The following CCDC12 variants were observed in gnomAD, a reference collection of about 807,000 sequenced individuals.
The protein encoded by CCDC12 is coiled-coil domain-containing protein 12.
Under a neutral mutation model 25.7 loss-of-function variants are expected in CCDC12, and 28 were observed. That is an observed-to-expected ratio of 1.09 (90% CI 0.81 to 1.50). The LOEUF is 1.50. CCDC12 is among the 40% of genes most tolerant of loss of function. CCDC12 has a pLI of 0.00. For missense variants in CCDC12, 198 were observed against 210.0 expected, an observed-to-expected ratio of 0.94 and a Z score of 0.35; for synonymous variants, 75 against 87.7, an observed-to-expected ratio of 0.86 and a Z score of 0.81.
chr3:46,948,651 A>G (rs2033997900), intron 1 of CCDC12, among the ~76,000 whole-genome samples: 1 of 152,264 alleles, frequency 6.6e-6, no homozygotes, highest in Admixed American at 6.5e-5. Flanking sequence ...AGGTGCCCTC[A>G]GCGGTGGAAA....
chr3:46,978,737 ACT>A (rs1236178392), upstream of CCDC12, among the ~76,000 whole-genome samples: 33 of 152,136 alleles, frequency 2.2e-4, no homozygotes, highest in African/African-American at 7.7e-4. Flanking sequence ...TAATCCCAGC[ACT>A]TTGGGAGGTC....
At chr3:46,961,393 G>A (rs1210851227) in intron 1 of CCDC12, among the ~76,000 whole-genome samples, 4 of 152,186 alleles carry the variant, frequency 2.6e-5, no homozygotes, top group Non-Finnish European at 5.9e-5. Flanking sequence ...TGACCCTGAA[G>A]CAACTATCGG....
chr3:46,922,571 G>T, intron 5 of CCDC12: 1 of 553,038 alleles, frequency 1.8e-6, no homozygotes, highest in Non-Finnish European at 3.3e-6. Context: ...GGCAAAGGTG[G>T]ATGGTTTCTC....
intron 1 of CCDC12, among the ~76,000 whole-genome samples, chr3:46,975,512 G>A (rs991631276): frequency 2.1e-5 from 3 of 143,528 alleles, no homozygotes; most frequent in African/African-American, 5.1e-5. Context: ...CCCTTAGTTA[G>A]AAATAAATCT....
At chr3:46,975,113 T>C (rs761511973) in intron 1 of CCDC12, among the ~76,000 whole-genome samples, 16 of 152,142 alleles carry the variant, frequency 1.1e-4, no homozygotes. Context: ...CAAAGAAAAA[T>C]GCTTCCGAAT....
At chr3:46,923,286 T>C in intron 5 of CCDC12, 43 bp downstream of exon 5, 2 of 1,442,064 alleles carry the variant, frequency 1.4e-6, no homozygotes, top group South Asian at 1.6e-5. Context: ...GCACCAAGAG[T>C]CCCCGAGTCA....
At chr3:46,977,594 C>T (rs2035034626), upstream of CCDC12, among the ~76,000 whole-genome samples, 1 of 152,186 alleles carries the variant, frequency 6.6e-6, no homozygotes. Context: ...GACAAGCGCC[C>T]CTAAGCCCCT....
chr3:46,945,075 C>T (rs544512807), intron 1 of CCDC12, among the ~76,000 whole-genome samples: 2 of 152,242 alleles, frequency 1.3e-5, no homozygotes, highest in African/African-American at 2.4e-5. Context: ...CTGGGCCTAC[C>T]CAGTGCATAT....
chr3:46,943,583 G>A (rs2033797665), intron 1 of CCDC12, among the ~76,000 whole-genome samples: 1 of 152,262 alleles, frequency 6.6e-6, no homozygotes, highest in Admixed American at 6.5e-5. Context: ...CAGCCTTTGG[G>A]AGGAGTGCTT....
chr3:46,946,337 A>C (rs1362249810), intron 1 of CCDC12, among the ~76,000 whole-genome samples: 3 of 152,264 alleles, frequency 2.0e-5, no homozygotes, highest in African/African-American at 7.2e-5. Flanking sequence ...GGAAAGCTTT[A>C]CTAAATATCT....
chr3:46,972,293 A>AC (rs1187202361), intron 1 of CCDC12, among the ~76,000 whole-genome samples: 1 of 152,140 alleles, frequency 6.6e-6, no homozygotes, highest in East Asian at 1.9e-4. Flanking sequence ...ACACAGTGAG[A>AC]CCCCCATCTC....
At chr3:46,933,778 T>G (rs1221024873) in intron 2 of CCDC12, among the ~76,000 whole-genome samples, 1 of 152,192 alleles carries the variant, frequency 6.6e-6, no homozygotes, top group Non-Finnish European at 1.5e-5. Context: ...CATAATTTCA[T>G]GAAAGTGTAT....
intron 1 of CCDC12, among the ~76,000 whole-genome samples, chr3:46,953,771 T>C (rs1202505191): frequency 6.6e-6 from 1 of 152,140 alleles, no homozygotes; most frequent in Non-Finnish European, 1.5e-5. Context: ...CAGCCAATTG[T>C]AGACTAAGCC....
upstream of CCDC12, among the ~76,000 whole-genome samples, chr3:46,980,290 G>T (rs59321380): frequency 0.075 from 11,409 of 152,268 alleles, 1,424 homozygotes; most frequent in African/African-American, 0.26. Flanking sequence ...AGGAGGCTAG[G>T]GGGAGGGGGA....
intron 1 of CCDC12, among the ~76,000 whole-genome samples, chr3:46,969,104 C>CA (rs1240250499): frequency 3.3e-5 from 5 of 152,134 alleles, no homozygotes; most frequent in African/African-American, 1.2e-4. Context: ...GATCAGGACA[C>CA]GGACAAGTCT....
At chr3:46,929,221 TAAAAG>T (rs1019219373) in intron 2 of CCDC12, among the ~76,000 whole-genome samples, 10 of 151,858 alleles carry the variant, frequency 6.6e-5, no homozygotes, top group Non-Finnish European at 1.5e-4. Context: ...TGGAAATCAC[TAAAAG>T]AAAGGGAAAA....
At chr3:46,968,304 G>A (rs1352071807) in intron 1 of CCDC12, among the ~76,000 whole-genome samples, 1 of 151,850 alleles carries the variant, frequency 6.6e-6, no homozygotes, top group Non-Finnish European at 1.5e-5. Flanking sequence ...TTAGGGCTAG[G>A]ATGAGTAAAG....
rs2033549138 is a variant in CCDC12 at position 46,938,517 on chromosome 3, T to TG, written c.164+2480dup. On this transcript the variant is annotated intron_variant, in intron 2 of 6. Transcript: ENST00000683445. ...ATTCCAGACAGGTTTGTTCCCCTCCTGTTTTTTTTTTTTTTTTTTTTTTTT... is the reference window on the plus strand; with the variant it reads ...ATTCCAGACAGGTTTGTTCCCCTCCTGGTTTTTTTTTTTTTTTTTTTTTTTT... Among the ~76,000 whole-genome samples the TG allele has an allele frequency of 2.4e-5, 3 of 124,108 alleles. No individual in the cohort carries two copies. In the Admixed American group the frequency reaches 2.6e-4, roughly 11 times the overall value. 81.4% of individuals were successfully genotyped at this position (124,108 alleles called of 152,430 possible).
intron 2 of CCDC12, among the ~76,000 whole-genome samples, chr3:46,940,259 T>C (rs920119780): frequency 1.3e-5 from 2 of 152,208 alleles, no homozygotes; most frequent in Non-Finnish European, 2.9e-5. Context: ...CATCTGAGGC[T>C]CTGTGGAGGT....
Sources: allele counts gnomAD v4.1 joint callset (sites outside exome capture counted in the v4.1 genomes callset), GRCh38; gene constraint gnomAD v4.1.1; transcripts MANE v1.5; gene names NCBI Gene and HGNC (gene_info 2026-07-23, HGNC 2026-07-21).